JAK1: variants seen among roughly 807,000 people sequenced by gnomAD.
JAK1 encodes tyrosine-protein kinase JAK1.
JAK1 carries 16 observed loss-of-function variants against 136.6 expected under a neutral mutation model. That is an observed-to-expected ratio of 0.12 (90% CI 0.08 to 0.18). The LOEUF is 0.18. Among genes scored for constraint, JAK1 ranks in the 10% least tolerant of loss-of-function variants. The pLI is 1.00. For missense variants in JAK1, 859 were observed against 1,450.1 expected, an observed-to-expected ratio of 0.59 and a Z score of 6.62; for synonymous variants, 492 against 519.5, an observed-to-expected ratio of 0.95 and a Z score of 0.72.
chr1:64,935,266 T>A (rs964603084), intron 1 of JAK1, among the ~76,000 whole-genome samples: 1 of 152,170 alleles, frequency 6.6e-6, no homozygotes, highest in Non-Finnish European at 1.5e-5. Flanking sequence ...CCTCTACCCA[T>A]CAGCAGATGA....
At chr1:65,053,021 CTCT>C (rs1298946128) in intron 1 of JAK1, among the ~76,000 whole-genome samples, 5 of 126,278 alleles carry the variant, frequency 4.0e-5, no homozygotes, top group African/African-American at 6.6e-5. Context: ...CAGAGCAAGA[CTCT>C]TGTCTCAAAA....
At chr1:64,987,233 T>C (rs879168548) in intron 2 of JAK1, 3 of 152,188 alleles carry the variant, frequency 2.0e-5, no homozygotes, top group Admixed American at 2.0e-4. Flanking sequence ...CCATTCTATT[T>C]TGCTTGCATA....
At chr1:65,063,448 G>A (rs1647897169) in intron 1 of JAK1, among the ~76,000 whole-genome samples, 1 of 152,122 alleles carries the variant, frequency 6.6e-6, no homozygotes, top group African/African-American at 2.4e-5. Context: ...ATGGAACACA[G>A]CAGTGGAAAA....
intron 2 of JAK1, among the ~76,000 whole-genome samples, chr1:65,037,224 A>G (rs1274470128): frequency 6.6e-6 from 1 of 152,178 alleles, no homozygotes; most frequent in African/African-American, 2.4e-5. Context: ...GAAAAAAGCT[A>G]TGCAAATATA....
Position 65,007,231 on chromosome 1 carries a change from C to T in JAK1, c.-78+37249G>A, listed in dbSNP as rs545326439. 2.0e-5 allele frequency among the ~76,000 whole-genome samples: 3 copies of T among 152,208 alleles called. No homozygotes were observed. In the East Asian group the frequency reaches 5.8e-4, roughly 29 times the overall value. ...CAAGGCAGGCCTGTAGGTGGGTTCC[C>T]GAAAGGAAGAAGATCCGGGTGCCAT... On this transcript the variant is annotated intron_variant, in intron 2 of 25. Transcript: ENST00000671954.
intron 6 of JAK1, among the ~76,000 whole-genome samples, chr1:64,867,728 C>T (rs369203935): frequency 3.3e-5 from 5 of 152,188 alleles, no homozygotes; most frequent in East Asian, 1.9e-4. Flanking sequence ...CGGTGGCTCA[C>T]GCCTGTAATC....
chr1:65,011,041 A>G (rs530829099), intron 2 of JAK1, among the ~76,000 whole-genome samples: 1 of 152,362 alleles, frequency 6.6e-6, no homozygotes, highest in East Asian at 1.9e-4. Flanking sequence ...TTTATGAAAC[A>G]TATTAATGTG....
chr1:64,964,539 A>C (rs1013673357), intron 1 of JAK1, among the ~76,000 whole-genome samples: 7 of 152,210 alleles, frequency 4.6e-5, no homozygotes, highest in Non-Finnish European at 1.5e-5. Context: ...CCTATATCTA[A>C]TTTATGCATT....
intron 17 of JAK1, among the ~76,000 whole-genome samples, chr1:64,843,839 A>G (rs1655057977): frequency 6.6e-6 from 1 of 152,194 alleles, no homozygotes. Flanking sequence ...AATCTTCACA[A>G]CAACCCTACA....
chr1:64,834,697 T>C (rs376230040), intron 24 of JAK1, 40 bp from the exon 25 acceptor site: 69 of 1,266,254 alleles, frequency 5.4e-5, no homozygotes, highest in Non-Finnish European at 2.3e-5. Flanking sequence ...AAATGTTAGA[T>C]CTGGGAACTT....
intron 2 of JAK1, among the ~76,000 whole-genome samples, chr1:65,021,872 TACA>T (rs1289167731): frequency 6.6e-6 from 1 of 152,136 alleles, no homozygotes; most frequent in East Asian, 1.9e-4. Context: ...GCATAGTTAG[TACA>T]ACAATGGAAC....
chr1:65,059,188 T>C (rs571666956), intron 1 of JAK1, among the ~76,000 whole-genome samples: 2 of 152,140 alleles, frequency 1.3e-5, no homozygotes, highest in South Asian at 2.1e-4. Context: ...AGATCATATA[T>C]TGCTAAGTTA....
chr1:64,960,297 G>A (rs547895250), intron 1 of JAK1, among the ~76,000 whole-genome samples: 1 of 152,286 alleles, frequency 6.6e-6, no homozygotes, highest in Non-Finnish European at 1.5e-5. Flanking sequence ...AAAATCTTAA[G>A]CATAGTCATT....
chr1:64,864,660 T>A, intron 8 of JAK1, 127 bp downstream of exon 8: 1 of 760,150 alleles, frequency 1.3e-6, no homozygotes, highest in Admixed American at 3.0e-5. Context: ...ACTTTTTGGC[T>A]TCAATAAGAA....
At chr1:64,993,862 G>T (rs1022420552) in intron 2 of JAK1, among the ~76,000 whole-genome samples, 1 of 152,116 alleles carries the variant, frequency 6.6e-6, no homozygotes, top group African/African-American at 2.4e-5. Flanking sequence ...GGCCAGGCTG[G>T]TCTTGAACTC....
intron 4 of JAK1, 122 bp downstream of exon 4, chr1:64,878,902 CA>C: frequency 1.1e-5 from 10 of 923,348 alleles, no homozygotes. Flanking sequence ...CAAGCAAATA[CA>C]AAAGTTACAA....
intron 2 of JAK1, among the ~76,000 whole-genome samples, chr1:64,998,781 G>A (rs1221569693): frequency 6.6e-6 from 1 of 152,162 alleles, no homozygotes; most frequent in Non-Finnish European, 1.5e-5. Flanking sequence ...TGCCGTCCAT[G>A]TAAGATGTGA....
At chr1:64,909,294 T>C (rs1645242118) in intron 1 of JAK1, among the ~76,000 whole-genome samples, 1 of 151,844 alleles carries the variant, frequency 6.6e-6, no homozygotes. Flanking sequence ...ATCTGGGCCG[T>C]GGTGAAAGAG....
intron 1 of JAK1, among the ~76,000 whole-genome samples, chr1:64,961,192 G>C (rs1484066976): frequency 6.6e-6 from 1 of 152,180 alleles, no homozygotes; most frequent in Non-Finnish European, 1.5e-5. Flanking sequence ...TAAATTAAAA[G>C]CAAATCAAAG....
Sources: allele counts gnomAD v4.1 joint callset (sites outside exome capture counted in the v4.1 genomes callset), GRCh38; gene constraint gnomAD v4.1.1; transcripts MANE v1.5; gene names NCBI Gene and HGNC (gene_info 2026-07-23, HGNC 2026-07-21).